Variants in ZCRB1 observed in about 807,000 individuals in gnomAD.
The protein encoded by ZCRB1 is zinc finger CCHC-type and RNA-binding motif-containing protein 1.
In ZCRB1, 21 loss-of-function variants were observed where a neutral mutation model predicts 29.9. The observed-to-expected ratio is 0.70, with a 90% CI of 0.50 to 1.01. ZCRB1 has a LOEUF of 1.01. Ranked by LOEUF, ZCRB1 falls within the 50% of genes least tolerant of loss-of-function variation. The pLI, the probability that ZCRB1 is intolerant of heterozygous loss-of-function variation, is 0.00. For synonymous variants in ZCRB1, 77 were observed against 80.0 expected (o/e 0.96, Z 0.20); for missense variants, 204 against 253.3 (o/e 0.81, Z 1.32).
intron 3 of ZCRB1, among the ~76,000 whole-genome samples, chr12:42,318,816 C>T (rs1342192768): frequency 2.6e-5 from 4 of 152,094 alleles, no homozygotes; most frequent in African/African-American, 9.7e-5. Context: ...AAGAATACAG[C>T]AGCCAGCTGG....
intron 3 of ZCRB1, among the ~76,000 whole-genome samples, chr12:42,319,035 G>C (rs2068608514): frequency 6.6e-6 from 1 of 152,168 alleles, no homozygotes; most frequent in Admixed American, 6.5e-5. Context: ...GCTGGAGTTG[G>C]AAAAATCACC....
intron 1 of ZCRB1, 34 bp downstream of exon 1, chr12:42,325,890 C>G (rs758753181): frequency 1.3e-5 from 2 of 152,628 alleles, no homozygotes; most frequent in Non-Finnish European, 2.9e-5. Context: ...GGGGGCCCCG[C>G]AGGAGAGAAG....
At chr12:42,319,909 C>T (rs1394634302) in intron 3 of ZCRB1, among the ~76,000 whole-genome samples, 2 of 152,200 alleles carry the variant, frequency 1.3e-5, no homozygotes, top group Non-Finnish European at 2.9e-5. Context: ...CTGTTAGCCT[C>T]AAGCCCATGT....
Position 42,313,738 on chromosome 12 carries a change from T to C in ZCRB1, c.474A>G (p.Glu158=), listed in dbSNP as rs751976973. Residue 158 remains glutamate, a synonymous_variant, in exon 7 of 8, where the codon GAA becomes GAG. Coordinates refer to ENST00000266529, the MANE Select transcript of ZCRB1 (RefSeq NM_033114.4). ...GGCTGTCAAGAGCAGGATCCTCCCC[T>C]TCATCTTCACTTTCTTCTACTTCCT... The part of the protein sequence containing the change: ...EIEEVEESED[E]GEDPALDSLS... 6.2e-7 allele frequency: 1 copy of C among 1,613,984 alleles called. No individual in the cohort carries two copies. The highest frequency in any genetic ancestry group is 1.7e-5 in the Admixed American group (1 of 59,994).
Position 42,312,938 on chromosome 12 carries a change from T to G in ZCRB1, c.*129A>C. On this transcript the variant is annotated 3_prime_UTR_variant, in exon 8 of 8. Transcript: ENST00000266529. Reference sequence around the variant, plus strand: ...ACTTTTCAAATAAATTTTTAAAATATCTTTTTTCTTGGGATGACAATAATA... The same window carrying G: ...ACTTTTCAAATAAATTTTTAAAATAGCTTTTTTCTTGGGATGACAATAATA... 1 of 1,000,232 alleles carries G rather than the reference T, an allele frequency of 1.0e-6. No homozygotes were observed. The highest frequency in any genetic ancestry group is 1.3e-6 in the Non-Finnish European group (1 of 766,068). The allele number at this position is 1,000,232 out of a possible 1,614,324, so 62.0% of individuals were successfully genotyped here. A position where few individuals can be genotyped will look rare whatever the true frequency, so the allele number is the denominator to read the frequency against.
At chr12:42,321,650 G>T (rs1298575814) in intron 3 of ZCRB1, among the ~76,000 whole-genome samples, 3 of 152,132 alleles carry the variant, frequency 2.0e-5, no homozygotes, top group Non-Finnish European at 4.4e-5. Context: ...GTAATTTCAA[G>T]ATGCAAAAGA....
chr12:42,319,138 G>C (rs1249569540), intron 3 of ZCRB1, among the ~76,000 whole-genome samples: 1 of 152,040 alleles, frequency 6.6e-6, no homozygotes, highest in Non-Finnish European at 1.5e-5. Context: ...TTTTAAAGTA[G>C]TATTTCAAAA....
At chr12:42,313,806 A>T (rs918175734) in intron 6 of ZCRB1, 41 bp from the exon 7 acceptor site, 1 of 1,612,064 alleles carries the variant, frequency 6.2e-7, no homozygotes, top group African/African-American at 1.3e-5. Flanking sequence ...ACCAACCAAT[A>T]ATCAAAAGCA....
In ZCRB1 at chr12:42,312,951, G is replaced by T; in HGVS notation, c.*116C>A. 1 of 1,036,452 alleles carries T rather than the reference G, an allele frequency of 9.6e-7. No individual in the cohort carries two copies. The highest frequency in any genetic ancestry group is 1.3e-6 in the Non-Finnish European group (1 of 795,062). The allele number at this position is 1,036,452 out of a possible 1,614,324, so 64.2% of individuals were successfully genotyped here. The stretch of plus-strand genomic sequence containing the variant: ...ATTTTTAAAATATCTTTTTTCTTGG[G>T]ATGACAATAATAGTATTAACATGAT... On this transcript the variant is annotated 3_prime_UTR_variant, in exon 8 of 8. Transcript: ENST00000266529.
At chr12:42,320,864 T>G (rs10880286) in intron 3 of ZCRB1, among the ~76,000 whole-genome samples, 23,687 of 152,178 alleles carry the variant, frequency 0.16, 1,921 homozygotes, top group South Asian at 0.21. Context: ...CTGATATTCT[T>G]AGAATGAAAA....
At chr12:42,314,440 G>A (rs548684189) in intron 5 of ZCRB1, among the ~76,000 whole-genome samples, 1 of 140,026 alleles carries the variant, frequency 7.1e-6, no homozygotes, top group East Asian at 2.1e-4. Context: ...AATTAGTTGG[G>A]CATAAGTGGC....
At chr12:42,319,088 G>C (rs2068608778) in intron 3 of ZCRB1, among the ~76,000 whole-genome samples, 1 of 152,032 alleles carries the variant, frequency 6.6e-6, no homozygotes, top group South Asian at 2.1e-4. Flanking sequence ...TTTATGTTTT[G>C]GAATTTTTCG....
chr12:42,323,710 T>C lies in ZCRB1; in HGVS notation c.84+309A>G, dbSNP rs1321561772. The C allele has an allele frequency of 2.9e-5, 8 of 276,754 alleles. No homozygotes were observed. The South Asian group carries it at 5.5e-4, about 19-fold the overall frequency. 17.1% of individuals were successfully genotyped at this position (276,754 alleles called of 1,614,324 possible). A position where few individuals can be genotyped will look rare whatever the true frequency, so the allele number is the denominator to read the frequency against. ...GCAGTGGTGTGACCTTGGCTCACTGTCGCCTCGACCTCCTAGGCTCAAGCA... is the reference window on the plus strand; with the variant it reads ...GCAGTGGTGTGACCTTGGCTCACTGCCGCCTCGACCTCCTAGGCTCAAGCA... On this transcript the variant is annotated intron_variant, in intron 2 of 7. Coordinates refer to ENST00000266529, the MANE Select transcript of ZCRB1 (RefSeq NM_033114.4).
At chr12:42,314,206 T>C (rs1451741703) in intron 5 of ZCRB1, among the ~76,000 whole-genome samples, 1 of 151,750 alleles carries the variant, frequency 6.6e-6, no homozygotes, top group African/African-American at 2.4e-5. Context: ...TATTTAGTAG[T>C]TTTACTAAGA....
intron 1 of ZCRB1, among the ~76,000 whole-genome samples, chr12:42,324,908 T>C (rs2068669891): frequency 6.6e-6 from 1 of 152,228 alleles, no homozygotes; most frequent in African/African-American, 2.4e-5. Context: ...CCTTAGCCAC[T>C]GATTTTTGCT....
Position 42,313,767 on chromosome 12 carries a change from TTAAA to T in ZCRB1, c.447-6_447-3del. 1.2e-6 allele frequency: 2 copies of T among 1,613,848 alleles called. No individual in the cohort carries two copies. Among genetic ancestry groups the T allele is most frequent in the East Asian group, 2.2e-5 (1 of 44,868 alleles). ...TCTTCACTTTCTTCTACTTCCTCAC[TTAAA>T]TAAAGAAAAACAAATTGGAATGTAA... On this transcript the variant is annotated splice_region_variant and splice_polypyrimidine_tract_variant and intron_variant, in intron 6 of 7. Transcript: ENST00000266529.
intron 1 of ZCRB1, among the ~76,000 whole-genome samples, chr12:42,324,672 T>C (rs1232380479): frequency 6.6e-6 from 1 of 152,208 alleles, no homozygotes; most frequent in African/African-American, 2.4e-5. Context: ...AAAAATTCTT[T>C]TTTGGTTCTT....
At chr12:42,325,364 ACTT>A (rs1234115020) in intron 1 of ZCRB1, 5 of 152,288 alleles carry the variant, frequency 3.3e-5, no homozygotes, top group Admixed American at 6.5e-5. Flanking sequence ...GACAATATAA[ACTT>A]CTTTCGAAAC....
chr12:42,323,944 G>T, intron 2 of ZCRB1, 75 bp downstream of exon 2: 110 of 1,224,706 alleles, frequency 9.0e-5, no homozygotes, highest in Non-Finnish European at 1.2e-4. Flanking sequence ...AAGGAAAAAA[G>T]AATTTGCCAG....
Sources: allele counts gnomAD v4.1 joint callset (sites outside exome capture counted in the v4.1 genomes callset), GRCh38; gene constraint gnomAD v4.1.1; transcripts MANE v1.5; gene names NCBI Gene and HGNC (gene_info 2026-07-23, HGNC 2026-07-21).